Variants in ZNF536 observed in about 807,000 individuals in gnomAD.
ZNF536 encodes zinc finger protein 536.
Under a neutral mutation model 84.5 loss-of-function variants are expected in ZNF536, and 13 were observed. That is an observed-to-expected ratio of 0.15 (90% CI 0.10 to 0.24). The LOEUF (loss-of-function observed/expected upper bound fraction) is 0.24, where lower values mean the gene tolerates loss of function less well. Among genes scored for constraint, ZNF536 ranks in the 10% least tolerant of loss-of-function variants. ZNF536 has a pLI of 1.00. For synonymous variants in ZNF536, 811 were observed against 742.5 expected, an observed-to-expected ratio of 1.09 and a Z score of -1.50; for missense variants, 1,536 against 1,747.5, an observed-to-expected ratio of 0.88 and a Z score of 2.16.
chr19:30,569,149 T>C (rs1435994233), intron 1 of ZNF536, among the ~76,000 whole-genome samples: 2 of 152,152 alleles, frequency 1.3e-5, no homozygotes, highest in Admixed American at 1.3e-4. Context: ...CTAAGCCTAG[T>C]GTGCAATTGT....
chr19:30,312,158 A>G (rs547045622), intron 2 of ZNF536, among the ~76,000 whole-genome samples: 2 of 152,198 alleles, frequency 1.3e-5, no homozygotes, highest in Non-Finnish European at 2.9e-5. Context: ...ACCTGGGTAC[A>G]GTTTGCACTT....
intron 2 of ZNF536, among the ~76,000 whole-genome samples, chr19:30,480,172 G>A (rs1281164245): frequency 3.9e-5 from 6 of 152,222 alleles, no homozygotes; most frequent in Admixed American, 1.3e-4. Context: ...TTTCACGGGA[G>A]TGTGGAGATG....
intron 2 of ZNF536, among the ~76,000 whole-genome samples, chr19:30,487,123 C>A (rs2054331273): frequency 6.6e-6 from 1 of 152,156 alleles, no homozygotes; most frequent in Non-Finnish European, 1.5e-5. Flanking sequence ...TTTGTCAATA[C>A]CCATCAGGAG....
intron 2 of ZNF536, among the ~76,000 whole-genome samples, chr19:30,467,489 T>A (rs543486389): frequency 1.3e-5 from 2 of 152,304 alleles, no homozygotes; most frequent in Non-Finnish European, 2.9e-5. Flanking sequence ...TGTATGCATA[T>A]CCCGAATTTT....
At chr19:30,706,234 C>T (rs1221592542) in intron 1 of ZNF536, among the ~76,000 whole-genome samples, 2 of 152,122 alleles carry the variant, frequency 1.3e-5, no homozygotes, top group Non-Finnish European at 2.9e-5. Context: ...CCTGTAATCC[C>T]AGCACTTTGG....
intron 1 of ZNF536, among the ~76,000 whole-genome samples, chr19:30,645,976 G>C (rs2049450932): frequency 6.6e-6 from 1 of 152,052 alleles, no homozygotes; most frequent in East Asian, 1.9e-4. Context: ...TTGGGTTGGA[G>C]CCCTGAGGAC....
intron 3 of ZNF536, among the ~76,000 whole-genome samples, chr19:30,365,270 T>C (rs2048389822): frequency 1.3e-5 from 2 of 152,174 alleles, no homozygotes; most frequent in African/African-American, 4.8e-5. Context: ...GCTCTTGTTC[T>C]TTCTCTTCTT....
At chr19:30,606,261 T>C (rs1165544465) in intron 1 of ZNF536, among the ~76,000 whole-genome samples, 2 of 24,058 alleles carry the variant, frequency 8.3e-5, no homozygotes, top group African/African-American at 3.8e-4. Flanking sequence ...ATAAATAAAA[T>C]AAAATAAAAT....
At position 30,548,878 on chromosome 19, in the gene ZNF536, A is replaced by C. The variant is rs2146223734; in HGVS notation, c.3259A>C (p.Thr1087Pro). 1 of 1,613,988 alleles carries C rather than the reference A, an allele frequency of 6.2e-7. No homozygotes were observed. The highest frequency in any genetic ancestry group is 1.1e-5 in the South Asian group (1 of 91,056). ...EKMAQGQLKE[T>P]LGEQKSGAWT... is the part of the protein sequence containing the mutation. ...GATGGCCCAAGGTCAGCTCAAGGAG[A>C]CTCTGGGAGAGCAGAAGAGCGGTGC... is the stretch of plus-strand genomic sequence containing the variant. The change falls in exon 4 of 5, where the codon ACT becomes CCT. Residue 1087 changes from threonine (T) to proline (P), a missense_variant. By Grantham distance (38) the Thr-to-Pro change is conservative. Coordinates refer to ENST00000355537, the MANE Select transcript of ZNF536 (RefSeq NM_014717.3).
rs112673258 is a variant in ZNF536 at position 30,537,129 on chromosome 19, C to T, written c.2323+2130C>T. 3.0e-3 allele frequency among the ~76,000 whole-genome samples: 458 copies of T among 152,334 alleles called. 2 individuals are homozygous for T. The highest frequency in any genetic ancestry group is 0.01 in the Middle Eastern group (3 of 294). On this transcript the variant is annotated intron_variant, in intron 3 of 4. Coordinates refer to ENST00000355537, the MANE Select transcript of ZNF536 (RefSeq NM_014717.3). Reference sequence around the variant, plus strand: ...TGTGTCTGTTTGTCCAGCTGTGTCCCCAGCCTAGAACAGAGCCTGGCCCAG... The same window carrying T: ...TGTGTCTGTTTGTCCAGCTGTGTCCTCAGCCTAGAACAGAGCCTGGCCCAG...
intron 2 of ZNF536, among the ~76,000 whole-genome samples, chr19:30,481,024 GTC>G (rs2054062303): frequency 7.7e-6 from 1 of 130,554 alleles, no homozygotes; most frequent in African/African-American, 3.3e-5. Context: ...GTTAGACCCT[GTC>G]TCAAAAAAAA....
At chr19:30,475,195 C>T (rs1486695687) in intron 2 of ZNF536, among the ~76,000 whole-genome samples, 1 of 152,160 alleles carries the variant, frequency 6.6e-6, no homozygotes, top group African/African-American at 2.4e-5. Context: ...ATTCTCCTGC[C>T]TCAGCCTCCC....
chr19:30,420,442 C>G (rs1323879217), intron 1 of ZNF536, among the ~76,000 whole-genome samples: 1 of 152,156 alleles, frequency 6.6e-6, no homozygotes, highest in African/African-American at 2.4e-5. Flanking sequence ...TCTAAGGTGT[C>G]TCTATCCAAT....
chr19:30,665,934 C>T (rs1732360314), intron 1 of ZNF536, among the ~76,000 whole-genome samples: 1 of 152,164 alleles, frequency 6.6e-6, no homozygotes, highest in Non-Finnish European at 1.5e-5. Flanking sequence ...CAGGTGATTC[C>T]TGGTGTGTCT....
chr19:30,266,252 G>C (rs927401304), intron 1 of ZNF536, among the ~76,000 whole-genome samples: 1 of 151,990 alleles, frequency 6.6e-6, no homozygotes, highest in African/African-American at 2.4e-5. Context: ...GTCTCACTTT[G>C]TTGCCCAGGT....
intron 1 of ZNF536, among the ~76,000 whole-genome samples, chr19:30,694,908 G>T (rs1436216869): frequency 6.6e-6 from 1 of 152,194 alleles, no homozygotes. Flanking sequence ...GGAGGGCAGG[G>T]CGTGGTTCTT....
At position 30,582,885 on chromosome 19, in the gene ZNF536, C is replaced by T. The variant is rs149169992; in HGVS notation, c.169+33371C>T. ...CTCCCACTGGGTCCCTCCCACAACA[C>T]GTGGGAATTATGGGAGCTACAATTC... On this transcript the variant is annotated intron_variant, in intron 1 of 1. Transcript: ENST00000592773. 1.0e-3 allele frequency among the ~76,000 whole-genome samples: 157 copies of T among 152,258 alleles called. 1 individual carries two copies. Among genetic ancestry groups the T allele is most frequent in the African/African-American group, 3.7e-3 (153 of 41,560 alleles).
intron 1 of ZNF536, among the ~76,000 whole-genome samples, chr19:30,268,042 C>CCTCCCTCCCTTTCTCTCCCCCT (rs1568546138): frequency 4.2e-5 from 5 of 118,408 alleles, no homozygotes; most frequent in Non-Finnish European, 7.4e-5. Context: ...TTCCTCCCCC[C>CCTCCCTCCCTTTCTCTCCCCCT]GCCTCCCTCC....
intron 2 of ZNF536, among the ~76,000 whole-genome samples, chr19:30,485,169 A>AATAAATAAATAC (rs1555779938): frequency 6.6e-6 from 1 of 150,460 alleles, no homozygotes; most frequent in Admixed American, 6.6e-5. Context: ...TAAATAAATA[A>AATAAATAAATAC]ATACATAAAT....
Sources: allele counts gnomAD v4.1 joint callset (sites outside exome capture counted in the v4.1 genomes callset), GRCh38; gene constraint gnomAD v4.1.1; transcripts MANE v1.5; gene names NCBI Gene and HGNC (gene_info 2026-07-23, HGNC 2026-07-21).